Variants in PCDH15 observed in about 807,000 individuals in gnomAD.
The protein encoded by PCDH15 is protocadherin-15.
PCDH15 carries 129 observed loss-of-function variants against 178.5 expected under a neutral mutation model. The ratio of observed to expected loss-of-function variants is 0.72; its 90% confidence interval spans 0.63 to 0.84. PCDH15 has a LOEUF of 0.84. PCDH15 is among the 40% of genes least tolerant of loss of function. PCDH15 has a pLI of 0.00. For missense variants in PCDH15, 2,230 were observed against 2,099.9 expected (o/e 1.06, Z -1.21); for synonymous variants, 800 against 732.0 (o/e 1.09, Z -1.50).
chr10:55,491,674 T>A (rs928251322), intron 2 of PCDH15, among the ~76,000 whole-genome samples: 17 of 150,204 alleles, frequency 1.1e-4, no homozygotes, highest in African/African-American at 4.2e-4. Context: ...TGTGCAAGAT[T>A]GTTATTTTCA....
At chr10:55,190,735 T>C (rs2132145626) in intron 1 of PCDH15, among the ~76,000 whole-genome samples, 1 of 151,718 alleles carries the variant, frequency 6.6e-6, no homozygotes, top group Non-Finnish European at 1.5e-5. Context: ...GAAACAATGT[T>C]TAGGAGATTT....
intron 9 of PCDH15, among the ~76,000 whole-genome samples, chr10:54,227,993 T>C (rs1380062473): frequency 6.6e-6 from 1 of 152,178 alleles, no homozygotes; most frequent in East Asian, 1.9e-4. Flanking sequence ...ATTCGGTAAG[T>C]CTCTAGAGAG....
intron 2 of PCDH15, among the ~76,000 whole-genome samples, chr10:55,329,776 C>T (rs1008705410): frequency 1.3e-5 from 2 of 151,788 alleles, no homozygotes; most frequent in Middle Eastern, 3.4e-3. Flanking sequence ...AAACAGGAAA[C>T]AGATTACTTA....
intron 10 of PCDH15, among the ~76,000 whole-genome samples, chr10:54,202,923 G>C (rs369014147): frequency 5.7e-4 from 87 of 152,066 alleles, no homozygotes; most frequent in African/African-American, 2.0e-3. Flanking sequence ...GTCTGTGGTG[G>C]TTATAATGTG....
Position 53,823,179 on chromosome 10 carries a change from A to G in PCDH15, c.4368-2949T>C, listed in dbSNP as rs2076421158. Reference sequence around the variant, plus strand: ...GGCACTTAAGTCATCCTCATCAGATAGAAATGTGAATTTTCTTGCAGACTT... The same window carrying G: ...GGCACTTAAGTCATCCTCATCAGATGGAAATGTGAATTTTCTTGCAGACTT... On this transcript the variant is annotated intron_variant, in intron 32 of 37. Transcript: ENST00000644397. 1.9e-6 allele frequency: 3 copies of G among 1,614,068 alleles called. No individual in the cohort carries two copies. Among genetic ancestry groups the G allele is most frequent in the Non-Finnish European group, 2.5e-6 (3 of 1,179,952 alleles).
chr10:55,069,969 TC>T (rs1841683592), intron 2 of PCDH15, among the ~76,000 whole-genome samples: 1 of 152,152 alleles, frequency 6.6e-6, no homozygotes, highest in African/African-American at 2.4e-5. Context: ...TGATTGCCAT[TC>T]TAACTGGTGT....
intron 2 of PCDH15, among the ~76,000 whole-genome samples, chr10:55,123,142 C>A: frequency 6.6e-6 from 1 of 151,518 alleles, no homozygotes; most frequent in East Asian, 1.9e-4. Flanking sequence ...AATATGAAAC[C>A]ATCCTACATT....
At chr10:55,591,790 CA>C (rs879453031) in intron 2 of PCDH15, among the ~76,000 whole-genome samples, 2 of 151,742 alleles carry the variant, frequency 1.3e-5, no homozygotes, top group Non-Finnish European at 2.9e-5. Context: ...TAATACATAA[CA>C]AAAAAATTTT....
intron 2 of PCDH15, among the ~76,000 whole-genome samples, chr10:55,163,956 T>C (rs1839127898): frequency 6.6e-6 from 1 of 152,148 alleles, no homozygotes; most frequent in South Asian, 2.1e-4. Context: ...GTAGCAATTC[T>C]TTATTCCTTT....
chr10:54,043,531 G>A (rs896882766), intron 18 of PCDH15, among the ~76,000 whole-genome samples: 2 of 151,958 alleles, frequency 1.3e-5, no homozygotes, highest in African/African-American at 4.8e-5. Flanking sequence ...GGGACTACAG[G>A]TATGCACCAA....
intron 3 of PCDH15, among the ~76,000 whole-genome samples, chr10:54,454,557 A>G (rs866302792): frequency 2.6e-4 from 40 of 151,614 alleles, no homozygotes; most frequent in African/African-American, 9.2e-4. Context: ...ATTCCTCTGA[A>G]ATAATATTTT....
At chr10:53,876,199 T>TTTTTTTG (rs1554840261) in intron 26 of PCDH15, among the ~76,000 whole-genome samples, 1 of 9,326 alleles carries the variant, frequency 1.1e-4, no homozygotes, top group Non-Finnish European at 1.4e-4. Flanking sequence ...TGTTTTTTTG[T>TTTTTTTG]TTTTTTTTTG....
intron 2 of PCDH15, among the ~76,000 whole-genome samples, chr10:55,601,522 C>T (rs910678865): frequency 6.6e-6 from 1 of 152,034 alleles, no homozygotes; most frequent in Admixed American, 6.6e-5. Context: ...AGGATTTTTA[C>T]ACAATATGTT....
intron 6 of PCDH15, among the ~76,000 whole-genome samples, chr10:54,334,550 G>T (rs886917840): frequency 6.6e-6 from 1 of 152,018 alleles, no homozygotes; most frequent in Non-Finnish European, 1.5e-5. Context: ...TGATAGATTT[G>T]GTCATTCATC....
At chr10:54,798,894 T>C (rs1952344197) in intron 1 of PCDH15, among the ~76,000 whole-genome samples, 1 of 152,104 alleles carries the variant, frequency 6.6e-6, no homozygotes, top group Non-Finnish European at 1.5e-5. Flanking sequence ...GAAAAAAAGT[T>C]CCTACAGTCT....
intron 2 of PCDH15, among the ~76,000 whole-genome samples, chr10:55,449,484 CT>C (rs1165990023): frequency 6.6e-6 from 1 of 151,936 alleles, no homozygotes; most frequent in Non-Finnish European, 1.5e-5. Context: ...AAAGATTGCC[CT>C]GTCTAAAATG....
chr10:54,014,231 C>T (rs78687395), intron 20 of PCDH15, among the ~76,000 whole-genome samples: 6,800 of 152,072 alleles, frequency 0.045, 237 homozygotes, highest in South Asian at 0.12. Context: ...GAAACTGAAT[C>T]CCTAAACAGA....
intron 2 of PCDH15, among the ~76,000 whole-genome samples, chr10:55,063,449 A>G (rs1841489278): frequency 6.6e-6 from 1 of 152,124 alleles, no homozygotes; most frequent in South Asian, 2.1e-4. Flanking sequence ...ATAAACATTG[A>G]AACTCTCTGC....
At chr10:54,443,466 G>A (rs78307428) in intron 3 of PCDH15, among the ~76,000 whole-genome samples, 2,564 of 151,128 alleles carry the variant, frequency 0.017, 87 homozygotes, top group African/African-American at 0.059. Flanking sequence ...CATTATTCAT[G>A]TAACTCTACA....
Sources: gnomAD v4.1 joint callset for allele counts (sites outside exome capture counted in the v4.1 genomes callset) on GRCh38, gnomAD v4.1.1 for gene constraint, MANE v1.5 for transcripts, NCBI Gene and HGNC (gene_info 2026-07-23, HGNC 2026-07-21) for gene names.